LGR4: variants seen among roughly 807,000 people sequenced by gnomAD.
LGR4 encodes the protein leucine-rich repeat-containing G protein-coupled receptor 4.
A neutral mutation model predicts 84.8 loss-of-function variants in LGR4; 44 were observed. That is an observed-to-expected ratio of 0.52 (90% CI 0.41 to 0.67). The LOEUF (loss-of-function observed/expected upper bound fraction) is 0.67. LGR4 is among the 30% of genes least tolerant of loss of function. The pLI is 0.00. For missense variants in LGR4, 1,032 were observed against 1,131.4 expected (o/e 0.91, Z 1.26); for synonymous variants, 429 against 434.3 (o/e 0.99, Z 0.15).
intron 1 of LGR4, among the ~76,000 whole-genome samples, chr11:27,422,333 G>T (rs569016246): frequency 6.6e-6 from 1 of 152,114 alleles, no homozygotes; most frequent in Admixed American, 6.5e-5. Flanking sequence ...TTACTTCACC[G>T]TCCTTGCCTT....
intron 1 of LGR4, among the ~76,000 whole-genome samples, chr11:27,419,362 T>C (rs1375433002): frequency 6.6e-6 from 1 of 151,712 alleles, no homozygotes; most frequent in Non-Finnish European, 1.5e-5. Context: ...CAATGAGACA[T>C]GATACAACTT....
intron 5 of LGR4, 111 bp downstream of exon 5, chr11:27,385,142 C>A (rs1590351456): frequency 2.8e-6 from 2 of 721,690 alleles, no homozygotes; most frequent in East Asian, 5.3e-5. Flanking sequence ...AAAGCACTAA[C>A]TACTCAGGAG....
At position 27,366,961 on chromosome 11, in the gene LGR4, T is replaced by C. The variant is rs934751773; in HGVS notation, c.*906A>G. 5 of 152,150 alleles carry C rather than the reference T, an allele frequency of 3.3e-5. No individual in the cohort carries two copies. Among genetic ancestry groups the C allele is most frequent in the African/African-American group, 1.2e-4 (5 of 41,442 alleles). The allele number at this position is 152,150 out of a possible 1,614,324, so 9.4% of individuals were successfully genotyped here. On this transcript the variant is annotated 3_prime_UTR_variant, in exon 18 of 18. Coordinates refer to ENST00000379214, the MANE Select transcript of LGR4 (RefSeq NM_018490.5). ...TTTACTTTCTATATAATCCAAGCTATTGCTAGGTGACATCCCAGCAAATTG... is the reference window on the plus strand; with the variant it reads ...TTTACTTTCTATATAATCCAAGCTACTGCTAGGTGACATCCCAGCAAATTG...
At chr11:27,401,311 T>A (rs144066570) in intron 2 of LGR4, among the ~76,000 whole-genome samples, 17 of 152,332 alleles carry the variant, frequency 1.1e-4, no homozygotes, top group African/African-American at 3.8e-4. Flanking sequence ...TCACGGAAAC[T>A]TTAAGTTCCA....
Position 27,367,877 on chromosome 11 carries a change from A to G in LGR4, c.2846T>C (p.Val949Ala), listed in dbSNP as rs1388907731. The change falls in exon 18 of 18, where the codon GTT becomes GCT. Residue 949 changes from valine to alanine, a missense_variant. Val to Ala is a moderately conservative substitution (Grantham distance 64). Transcript: ENST00000379214. ...LVRYAYNLPR[V>A]KD ...TACACACACAGTAGTTCAGTCTTTA[A>G]CTCTTGGTAGATTGTAAGCATAGCG... 3 of 1,588,990 alleles carry G rather than the reference A, an allele frequency of 1.9e-6. No individual in the cohort carries two copies. Among genetic ancestry groups the G allele is most frequent in the Admixed American group, 3.7e-5 (2 of 53,478 alleles).
intron 2 of LGR4, among the ~76,000 whole-genome samples, chr11:27,397,769 C>G (rs545824469): frequency 6.6e-6 from 1 of 152,258 alleles, no homozygotes; most frequent in East Asian, 1.9e-4. Context: ...TCTCAACACA[C>G]GCTGTGTTGT....
intron 2 of LGR4, among the ~76,000 whole-genome samples, 193 bp from the exon 3 acceptor site, chr11:27,392,711 A>AT (rs1235091366): frequency 6.6e-6 from 1 of 151,602 alleles, no homozygotes; most frequent in African/African-American, 2.4e-5. Flanking sequence ...TGTCTCTAGA[A>AT]TTTTTTTTTA....
intron 9 of LGR4, 70 bp downstream of exon 9, chr11:27,380,570 A>C: frequency 9.2e-7 from 1 of 1,086,628 alleles, no homozygotes; most frequent in Non-Finnish European, 1.4e-6. Flanking sequence ...GAGTTCCAGT[A>C]ATAAATTCTT....
At chr11:27,425,890 G>A (rs2133414769) in intron 1 of LGR4, among the ~76,000 whole-genome samples, 1 of 152,246 alleles carries the variant, frequency 6.6e-6, no homozygotes, top group Non-Finnish European at 1.5e-5. Context: ...CTCTTTGATG[G>A]ATTCCCTGCT....
chr11:27,377,599 C>T lies in LGR4; in HGVS notation c.1044-376G>A, dbSNP rs182325532. Among the ~76,000 whole-genome samples the T allele has an allele frequency of 1.1e-4, 16 of 151,528 alleles. No homozygotes were observed. In the East Asian group the frequency reaches 1.9e-3, roughly 18 times the overall value. ...ACATTTTTTTAAATTTGTATTTATA[C>T]GGTTTAAAAATTTGTATTTTTTCAA... On this transcript the variant is annotated intron_variant, in intron 11 of 17. Coordinates refer to ENST00000379214, the MANE Select transcript of LGR4 (RefSeq NM_018490.5).
intron 2 of LGR4, among the ~76,000 whole-genome samples, chr11:27,394,445 C>T (rs963356285): frequency 6.6e-6 from 1 of 152,146 alleles, no homozygotes; most frequent in Non-Finnish European, 1.5e-5. Flanking sequence ...CTCTGTCGCC[C>T]AGGCTGGAGT....
At chr11:27,387,684 C>A (rs1224441923) in intron 4 of LGR4, among the ~76,000 whole-genome samples, 1 of 152,036 alleles carries the variant, frequency 6.6e-6, no homozygotes, top group African/African-American at 2.4e-5. Flanking sequence ...TCCTTAAGTC[C>A]CTATAGGCCA....
rs1429404802 is a variant in LGR4, at chr11:27,419,873, G to A, written c.186-7013C>T. ...ACGATTCCATTTATACAGCATTCTG[G>A]AAAAGGTGAACCTATAGACACAGAA... On this transcript the variant is annotated intron_variant, in intron 1 of 17. Coordinates refer to ENST00000379214, the MANE Select transcript of LGR4 (RefSeq NM_018490.5). Among the ~76,000 whole-genome samples, 3 of 152,022 alleles carry A rather than the reference G, an allele frequency of 2.0e-5. No homozygotes were observed. In the East Asian group the frequency reaches 5.8e-4, roughly 29 times the overall value.
intron 5 of LGR4, 122 bp from the exon 6 acceptor site, chr11:27,384,529 C>G: frequency 2.8e-6 from 2 of 701,896 alleles, no homozygotes; most frequent in Admixed American, 4.8e-5. Flanking sequence ...AACAGCTAAA[C>G]AGCTAAACAG....
intron 2 of LGR4, among the ~76,000 whole-genome samples, chr11:27,394,175 C>T (rs79667353): frequency 2.8e-4 from 43 of 152,252 alleles, no homozygotes; most frequent in Non-Finnish European, 5.4e-4. Context: ...TTCTACACTG[C>T]ATTGCCTTTC....
At chr11:27,471,830 C>T (rs1007505773) in intron 1 of LGR4, 1 of 272,914 alleles carries the variant, frequency 3.7e-6, no homozygotes, top group Non-Finnish European at 6.8e-6. Context: ...CCCAGATGCA[C>T]TTGTGAGTTG....
intron 1 of LGR4, among the ~76,000 whole-genome samples, chr11:27,419,728 A>G (rs1249054678): frequency 6.6e-6 from 1 of 151,452 alleles, no homozygotes; most frequent in Non-Finnish European, 1.5e-5. Flanking sequence ...TGGTATGTCT[A>G]TACAATGGAA....
At chr11:27,464,810 T>C (rs769977896) in intron 1 of LGR4, among the ~76,000 whole-genome samples, 3 of 152,216 alleles carry the variant, frequency 2.0e-5, no homozygotes, top group Non-Finnish European at 4.4e-5. Context: ...TACACTCTGA[T>C]TCAAATACCA....
At chr11:27,387,361 C>T (rs1413203181) in intron 4 of LGR4, among the ~76,000 whole-genome samples, 1 of 152,072 alleles carries the variant, frequency 6.6e-6, no homozygotes, top group East Asian at 1.9e-4. Flanking sequence ...AATAGATAAA[C>T]AGGGCACTGA....
Sources: gnomAD v4.1 joint callset for allele counts (sites outside exome capture counted in the v4.1 genomes callset) on GRCh38, gnomAD v4.1.1 for gene constraint, MANE v1.5 for transcripts, NCBI Gene and HGNC (gene_info 2026-07-23, HGNC 2026-07-21) for gene names.